Variants in FAM117B observed in about 807,000 individuals in gnomAD.
FAM117B encodes family with sequence similarity 117 member B.
FAM117B carries 22 observed loss-of-function variants against 52.8 expected under a neutral mutation model. The observed-to-expected ratio is 0.42, with a 90% CI of 0.30 to 0.59. The LOEUF (loss-of-function observed/expected upper bound fraction) is 0.59, where lower values mean the gene tolerates loss of function less well. Ranked by LOEUF, FAM117B falls within the 20% of genes least tolerant of loss-of-function variation. The pLI is 0.22. For missense variants in FAM117B, 678 were observed against 802.6 expected, an observed-to-expected ratio of 0.84 and a Z score of 1.88; for synonymous variants, 309 against 324.1, an observed-to-expected ratio of 0.95 and a Z score of 0.50.
intron 4 of FAM117B, among the ~76,000 whole-genome samples, chr2:202,748,391 A>G (rs1691667936): frequency 6.6e-6 from 1 of 152,200 alleles, no homozygotes; most frequent in African/African-American, 2.4e-5. Flanking sequence ...TATGGCTAGG[A>G]CTACAAAAGC....
At chr2:202,655,745 A>T (rs1296360038) in intron 1 of FAM117B, among the ~76,000 whole-genome samples, 33 of 133,672 alleles carry the variant, frequency 2.5e-4, no homozygotes, top group East Asian at 1.2e-3. Flanking sequence ...AGAGAGAGAG[A>T]GAGAGAGAGA....
At chr2:202,746,048 G>C (rs1488956645) in intron 4 of FAM117B, among the ~76,000 whole-genome samples, 1 of 152,134 alleles carries the variant, frequency 6.6e-6, no homozygotes, top group African/African-American at 2.4e-5. Context: ...CATCTATATA[G>C]AAAGTCAAGA....
chr2:202,634,993 G>GAGC lies in FAM117B; in HGVS notation c.-194_-192dup, dbSNP rs57056567. The stretch of plus-strand genomic sequence containing the variant: ...CAGAGGAGACACTATTGTTGATGAG[G>GAGC]AGCGGCGGCGGCGGCGGCGGCGGCT... On this transcript the variant is annotated 5_prime_UTR_variant, in exon 1 of 8. Coordinates refer to ENST00000392238, the MANE Select transcript of FAM117B (RefSeq NM_173511.4). 0.015 allele frequency among the ~76,000 whole-genome samples: 1,952 copies of GAGC among 133,118 alleles called. 42 individuals are homozygous for GAGC. Among genetic ancestry groups the GAGC allele is most frequent in the East Asian group, 0.056 (282 of 5,026 alleles). 87.3% of individuals were successfully genotyped at this position (133,118 alleles called of 152,430 possible).
intron 1 of FAM117B, among the ~76,000 whole-genome samples, chr2:202,637,758 G>A (rs1689710132): frequency 1.3e-5 from 2 of 151,778 alleles, no homozygotes. Context: ...ACTTTGGTCA[G>A]TTGTACTCCA....
chr2:202,717,576 T>A (rs1173000498), intron 2 of FAM117B, among the ~76,000 whole-genome samples: 1 of 152,182 alleles, frequency 6.6e-6, no homozygotes, highest in African/African-American at 2.4e-5. Flanking sequence ...TATACTGCCT[T>A]GACAATGTTG....
rs1247344408 is a variant in FAM117B, at chr2:202,765,735, C to A, written c.1741C>A (p.Pro581Thr). The change falls in exon 8 of 8, where the codon CCA (proline) becomes ACA (threonine). Residue 581 changes from proline (P) to threonine (T), a missense_variant. Around this residue, in one of 3 missense-constraint regions of FAM117B, gnomAD observed 68 missense variants for 80.6 expected, o/e 0.84. Transcript: ENST00000392238. The stretch of plus-strand genomic sequence containing the variant: ...GCCATCAGCTTCTCTACTCCCACCA[C>A]CAGAACCAATTGAGGAAGCTGAAGG... The part of the protein sequence containing the change: ...VMPSASLLPP[P>T]EPIEEAEG 6.2e-7 allele frequency: 1 copy of A among 1,614,128 alleles called. No homozygotes were observed. The highest frequency in any genetic ancestry group is 2.2e-5 in the East Asian group (1 of 44,882).
At chr2:202,714,558 A>G (rs1012225336) in intron 2 of FAM117B, among the ~76,000 whole-genome samples, 2 of 79,620 alleles carry the variant, frequency 2.5e-5, no homozygotes, top group African/African-American at 9.6e-5. Context: ...TTTATTGATC[A>G]TTCTTGGGTG....
At chr2:202,676,171 T>A (rs1690376419) in intron 1 of FAM117B, among the ~76,000 whole-genome samples, 1 of 152,026 alleles carries the variant, frequency 6.6e-6, no homozygotes, top group East Asian at 1.9e-4. Context: ...CTAGTGTCTG[T>A]GGCCAACAAC....
chr2:202,697,689 A>C (rs1292560488), intron 2 of FAM117B, among the ~76,000 whole-genome samples: 4 of 151,170 alleles, frequency 2.6e-5, no homozygotes, highest in African/African-American at 9.7e-5. Context: ...GAGCTGGACT[A>C]CAGGCGTGCA....
intron 2 of FAM117B, among the ~76,000 whole-genome samples, chr2:202,715,258 AC>A (rs1310985335): frequency 7.3e-6 from 1 of 136,728 alleles, no homozygotes; most frequent in African/African-American, 2.9e-5. Context: ...GCGGGGGCTG[AC>A]CCCCCACCTC....
chr2:202,766,452 G>C lies in FAM117B; in HGVS notation c.*688G>C, dbSNP rs1001532291. ...AAAAAGCAATATTCGTACATTATGT[G>C]ATTTATGTTTTTGATGTCAAAAGTT... On this transcript the variant is annotated 3_prime_UTR_variant, in exon 8 of 8. Coordinates refer to ENST00000392238, the MANE Select transcript of FAM117B (RefSeq NM_173511.4). 1 of 152,624 alleles carries C rather than the reference G, an allele frequency of 6.6e-6. No homozygotes were observed. The highest frequency in any genetic ancestry group is 2.4e-5 in the African/African-American group (1 of 41,432). 9.5% of individuals were successfully genotyped at this position (152,624 alleles called of 1,614,324 possible). A position where few individuals can be genotyped will look rare whatever the true frequency, so the allele number is the denominator to read the frequency against.
intron 1 of FAM117B, among the ~76,000 whole-genome samples, chr2:202,648,032 C>T (rs1367040145): frequency 1.3e-5 from 2 of 152,058 alleles, no homozygotes; most frequent in African/African-American, 2.4e-5. Flanking sequence ...GTCTCTCTTT[C>T]CTCTCCTCTC....
At chr2:202,735,312 C>T (rs1399602462) in intron 4 of FAM117B, among the ~76,000 whole-genome samples, 2 of 152,060 alleles carry the variant, frequency 1.3e-5, no homozygotes, top group Admixed American at 6.6e-5. Context: ...CAAGTTATTA[C>T]AGTATTTTGT....
At chr2:202,674,108 G>A (rs1014825246) in intron 1 of FAM117B, among the ~76,000 whole-genome samples, 13 of 151,990 alleles carry the variant, frequency 8.6e-5, no homozygotes, top group Admixed American at 5.9e-4. Flanking sequence ...GCTATCCATG[G>A]CTTTAACCTG....
At chr2:202,687,912 A>G (rs1283926534) in intron 1 of FAM117B, among the ~76,000 whole-genome samples, 1 of 152,206 alleles carries the variant, frequency 6.6e-6, no homozygotes, top group African/African-American at 2.4e-5. Flanking sequence ...TGGTTATGGT[A>G]TCTGTTAATG....
intron 1 of FAM117B, among the ~76,000 whole-genome samples, chr2:202,681,159 G>A (rs1017961175): frequency 6.6e-6 from 1 of 152,018 alleles, no homozygotes; most frequent in Non-Finnish European, 1.5e-5. Context: ...TAAAACCCTA[G>A]ATAGAGCAAC....
chr2:202,708,183 C>A (rs1690903685), intron 2 of FAM117B, among the ~76,000 whole-genome samples: 1 of 152,142 alleles, frequency 6.6e-6, no homozygotes, highest in Admixed American at 6.5e-5. Context: ...AGAACTTACT[C>A]ATTTTGCTTA....
chr2:202,732,450 C>A (rs781589428), intron 4 of FAM117B, among the ~76,000 whole-genome samples: 1 of 152,090 alleles, frequency 6.6e-6, no homozygotes, highest in Non-Finnish European at 1.5e-5. Context: ...TGTGGTATAT[C>A]CATATGATGG....
rs1320726700 is a variant in FAM117B, at chr2:202,766,109, C to T, written c.*345C>T. 5.0e-6 allele frequency: 1 copy of T among 198,872 alleles called. No individual in the cohort carries two copies. Among genetic ancestry groups the T allele is most frequent in the South Asian group, 1.4e-4 (1 of 7,404 alleles). The allele number at this position is 198,872 out of a possible 1,614,324, so 12.3% of individuals were successfully genotyped here. A position where few individuals can be genotyped will look rare whatever the true frequency, so the allele number is the denominator to read the frequency against. ...ACACACACACACACACACACACACC[C>T]CTGATCCTTGCCAACATGATTCCTA... On this transcript the variant is annotated 3_prime_UTR_variant, in exon 8 of 8. Transcript: ENST00000392238.
Sources: allele counts gnomAD v4.1 joint callset (sites outside exome capture counted in the v4.1 genomes callset), GRCh38; gene constraint gnomAD v4.1.1; regional missense constraint gnomAD v4.1.1; transcripts MANE v1.5; gene names NCBI Gene and HGNC (gene_info 2026-07-23, HGNC 2026-07-21).